Variants in NPY4R2 observed in about 807,000 individuals in gnomAD.
NPY4R2 encodes neuropeptide Y receptor Y4-2.
For synonymous variants in NPY4R2, 6 were observed against 115.2 expected (o/e 0.05, Z 6.07); for missense variants, 7 against 268.8 (o/e 0.03, Z 6.81).
chr10:47,918,399 A>G (rs1194664375), upstream of NPY4R2, among the ~76,000 whole-genome samples: 23 of 24,030 alleles, frequency 9.6e-4, no homozygotes, highest in African/African-American at 7.2e-3. Flanking sequence ...GAAAGAAAGA[A>G]AGAAAGAAAG....
chr10:47,915,052 C>A (rs1192571365), upstream of NPY4R2, among the ~76,000 whole-genome samples: 1 of 152,130 alleles, frequency 6.6e-6, no homozygotes, highest in Non-Finnish European at 1.5e-5. Flanking sequence ...TCTGCTATAG[C>A]CTTCCATGAA....
At chr10:47,916,728 A>G (rs1411217793), upstream of NPY4R2, among the ~76,000 whole-genome samples, 2 of 129,788 alleles carry the variant, frequency 1.5e-5, no homozygotes, top group Non-Finnish European at 3.6e-5. Flanking sequence ...CACAAGAGCT[A>G]GGGTTCAGGC....
At position 47,920,068 on chromosome 10, in the gene NPY4R2, G is replaced by T. The variant is rs1554990655; in HGVS notation, c.-215-670G>T. Among the ~76,000 whole-genome samples the T allele has an allele frequency of 4.0e-4, 7 of 17,628 alleles. 1 individual carries two copies. The highest frequency in any genetic ancestry group is 1.4e-3 in the Admixed American group (2 of 1,434). 11.6% of individuals were successfully genotyped at this position (17,628 alleles called of 152,430 possible). On this transcript the variant is annotated intron_variant, in intron 1 of 2. Coordinates refer to ENST00000576178, the Ensembl canonical transcript of NPY4R2. The stretch of plus-strand genomic sequence containing the variant: ...TTATCTTATATTGGGCCCTGTGTTT[G>T]GCTCTGGAATAGTTTATTTTGCCAT...
In NPY4R2 at chr10:47,922,400, AG is replaced by A; in HGVS notation, c.414del (p.Arg139GlyfsTer122). On this transcript the variant is annotated frameshift_variant, in exon 3 of 3. Coordinates refer to ENST00000576178, the Ensembl canonical transcript of NPY4R2. LOFTEE classifies it high-confidence loss of function. ...CTCTCGCTCGTCCTCGTGGCCCTGG[AG>A]AGGCATCAGCTCATCATCAACCCAA... The A allele has an allele frequency of 1.7e-6, 1 of 590,838 alleles. No individual in the cohort carries two copies. Among genetic ancestry groups the A allele is most frequent in the East Asian group, 2.9e-5 (1 of 34,952 alleles). 36.6% of individuals were successfully genotyped at this position (590,838 alleles called of 1,614,324 possible).
chr10:47,918,356 GGAGAGAGAGAGAGAGAGAGA>G (rs139901640), upstream of NPY4R2, among the ~76,000 whole-genome samples: 1 of 17,754 alleles, frequency 5.6e-5, no homozygotes, highest in African/African-American at 3.5e-4. Flanking sequence ...GGGGAGGGAG[GGAGAGAGAGAGAGAGAGAGA>G]GAGAGAGAGA....
chr10:47,920,303 C>G (rs1218263864), intron 1 of NPY4R2, among the ~76,000 whole-genome samples: 2 of 80,848 alleles, frequency 2.5e-5, no homozygotes, highest in African/African-American at 1.2e-4. Flanking sequence ...GTGGTGCACT[C>G]TCTGCTGACT....
chr10:47,916,581 C>T (rs1482322607), upstream of NPY4R2, among the ~76,000 whole-genome samples: 2 of 131,362 alleles, frequency 1.5e-5, no homozygotes, highest in African/African-American at 2.6e-5. Flanking sequence ...TCAGTTTTCT[C>T]GCCTGTGAGA....
At chr10:47,920,132 G>T (rs1304558900) in intron 1 of NPY4R2, among the ~76,000 whole-genome samples, 1 of 47,194 alleles carries the variant, frequency 2.1e-5, no homozygotes, top group African/African-American at 1.4e-4. Context: ...GAAGACCATA[G>T]TGCTGGAGAA....
chr10:47,918,425 GAAAGAA>G (rs1565913042), upstream of NPY4R2, among the ~76,000 whole-genome samples: 1 of 34,806 alleles, frequency 2.9e-5, no homozygotes, highest in Non-Finnish European at 5.9e-5. Flanking sequence ...AAGAAAGAAA[GAAAGAA>G]AGAGAGAGAG....
chr10:47,916,517 C>T (rs1841108424), upstream of NPY4R2, among the ~76,000 whole-genome samples: 1 of 126,678 alleles, frequency 7.9e-6, no homozygotes, highest in East Asian at 2.2e-4. Context: ...GAAAGTCCAG[C>T]CCTACCATCT....
upstream of NPY4R2, among the ~76,000 whole-genome samples, chr10:47,916,397 T>C (rs1841664653): frequency 7.9e-6 from 1 of 126,844 alleles, no homozygotes; most frequent in African/African-American, 2.6e-5. Context: ...GCAAAGGGTC[T>C]GGCAGCCAAC....
upstream of NPY4R2, among the ~76,000 whole-genome samples, chr10:47,918,367 G>GAAAGAA (rs1554991298): frequency 5.8e-5 from 1 of 17,216 alleles, no homozygotes; most frequent in African/African-American, 3.5e-4. Context: ...GAGAGAGAGA[G>GAAAGAA]AGAGAGAGAG....
upstream of NPY4R2, among the ~76,000 whole-genome samples, chr10:47,916,588 G>A (rs1211162969): frequency 6.1e-5 from 8 of 131,706 alleles, 1 homozygote; most frequent in Admixed American, 6.0e-4. Flanking sequence ...TCTCGCCTGT[G>A]AGATGGGATG....
At chr10:47,916,699 C>T (rs1314312337), upstream of NPY4R2, among the ~76,000 whole-genome samples, 1 of 134,560 alleles carries the variant, frequency 7.4e-6, no homozygotes, top group Non-Finnish European at 1.7e-5. Context: ...CATTTCAGCT[C>T]TTCTGCTGTT....
upstream of NPY4R2, among the ~76,000 whole-genome samples, chr10:47,918,411 A>G (rs1280764395): frequency 3.3e-5 from 1 of 30,088 alleles, no homozygotes; most frequent in African/African-American, 2.2e-4. Context: ...GAAAGAAAGA[A>G]AGAAAGAAAG....
At chr10:47,914,825 T>TTCTGAATTTAGGCATTAAA (rs1213450273), upstream of NPY4R2, among the ~76,000 whole-genome samples, 29 of 143,432 alleles carry the variant, frequency 2.0e-4, no homozygotes, top group African/African-American at 7.0e-4. Flanking sequence ...GATTCAGTAA[T>TTCTGAATTTAGGCATTAAA]TTCTCTAATT....
chr10:47,918,435 G>A (rs1335509630), upstream of NPY4R2, among the ~76,000 whole-genome samples: 133 of 35,006 alleles, frequency 3.8e-3, no homozygotes, highest in African/African-American at 7.4e-3. Flanking sequence ...GAAAGAAAGA[G>A]AGAGAGAAAG....
chr10:47,916,606 C>T (rs4979661), upstream of NPY4R2, among the ~76,000 whole-genome samples: 19,192 of 131,480 alleles, frequency 0.15, 999 homozygotes, highest in Middle Eastern at 0.16. Context: ...ATGATCATAC[C>T]ACACCAGTTA....
chr10:47,915,081 G>A (rs1321517195), upstream of NPY4R2, among the ~76,000 whole-genome samples: 17 of 152,142 alleles, frequency 1.1e-4, no homozygotes, highest in Admixed American at 3.3e-4. Context: ...GACAGCTTCC[G>A]GGAGCTAGCT....
Sources: allele counts gnomAD v4.1 joint callset (sites outside exome capture counted in the v4.1 genomes callset), GRCh38; gene constraint gnomAD v4.1.1; transcripts MANE v1.5; gene names NCBI Gene and HGNC (gene_info 2026-07-23, HGNC 2026-07-21).